ZDHHC13: variants seen among roughly 807,000 people sequenced by gnomAD.
ZDHHC13 encodes the protein palmitoyltransferase ZDHHC13.
Under a neutral mutation model 86.0 loss-of-function variants are expected in ZDHHC13, and 85 were observed. The observed-to-expected ratio is 0.99, with a 90% confidence interval of 0.83 to 1.18. ZDHHC13 has a LOEUF of 1.18. Ranked by LOEUF, ZDHHC13 falls within the 50% of genes most tolerant of loss-of-function variation. The pLI, the probability that ZDHHC13 is intolerant of heterozygous loss-of-function variation, is 0.00. For synonymous variants in ZDHHC13, 263 were observed against 246.4 expected, an observed-to-expected ratio of 1.07 and a Z score of -0.63; for missense variants, 711 against 730.2, an observed-to-expected ratio of 0.97 and a Z score of 0.30.
At position 19,155,788 on chromosome 11, in the gene ZDHHC13, C is replaced by T; in HGVS notation, c.874-8C>T. ...CATAAAGTTCTAAAATTCTGAATCT[C>T]TTAATAGCTCTTCCTGCTGCTGATG... On this transcript the variant is annotated splice_region_variant and splice_polypyrimidine_tract_variant and intron_variant, in intron 8 of 16. Coordinates refer to ENST00000446113, the MANE Select transcript of ZDHHC13 (RefSeq NM_019028.3). 6.2e-7 allele frequency: 1 copy of T among 1,610,512 alleles called. No individual in the cohort carries two copies. Among genetic ancestry groups the T allele is most frequent in the Non-Finnish European group, 8.5e-7 (1 of 1,179,274 alleles).
chr11:19,140,679 A>G (rs1222045297), intron 1 of ZDHHC13, among the ~76,000 whole-genome samples: 2 of 152,122 alleles, frequency 1.3e-5, no homozygotes, highest in Admixed American at 6.5e-5. Flanking sequence ...ATGTCCAACA[A>G]TGATAGACTG....
chr11:19,149,174 C>T lies in ZDHHC13; in HGVS notation c.375-13C>T, dbSNP rs553864041. The T allele has an allele frequency of 2.6e-6, 4 of 1,518,984 alleles. No individual in the cohort carries two copies. Among genetic ancestry groups the T allele is most frequent in the African/African-American group, 1.4e-5 (1 of 72,476 alleles). The allele number at this position is 1,518,984 out of a possible 1,614,324, so 94.1% of individuals were successfully genotyped here. ...TGCATGCTACAGAATGGCTTTTTGT[C>T]TTCTATTTGCAGACAAGGACATTTA... On this transcript the variant is annotated splice_polypyrimidine_tract_variant and intron_variant, in intron 4 of 16. Transcript: ENST00000446113.
intron 1 of ZDHHC13, among the ~76,000 whole-genome samples, chr11:19,138,196 A>G (rs1216941710): frequency 6.6e-6 from 1 of 150,946 alleles, no homozygotes; most frequent in Admixed American, 6.6e-5. Flanking sequence ...AGAGAGAAGA[A>G]TCAAATAGAT....
At chr11:19,175,337 C>T (rs2133494516) in intron 16 of ZDHHC13, among the ~76,000 whole-genome samples, 1 of 137,204 alleles carries the variant, frequency 7.3e-6, no homozygotes. Flanking sequence ...TTGCAGTGAG[C>T]CGAGATCACG....
intron 1 of ZDHHC13, among the ~76,000 whole-genome samples, chr11:19,134,045 A>G (rs1849068928): frequency 6.6e-6 from 1 of 151,602 alleles, no homozygotes; most frequent in African/African-American, 2.4e-5. Flanking sequence ...CTCTGAGGAC[A>G]GTTTCAGAAA....
rs74719683 is a variant in ZDHHC13, at chr11:19,133,110, C to T, written c.28-9868C>T. 6.8e-3 allele frequency among the ~76,000 whole-genome samples: 1,033 copies of T among 152,168 alleles called. 8 individuals are homozygous for T. The highest frequency in any genetic ancestry group is 0.023 in the African/African-American group (975 of 41,506). Reference sequence around the variant, plus strand: ...AATGGCCAGTAAACATGAAGAAATACACAACTTGATAATTATAGGGAAATA... The same window carrying T: ...AATGGCCAGTAAACATGAAGAAATATACAACTTGATAATTATAGGGAAATA... On this transcript the variant is annotated intron_variant, in intron 1 of 16. Coordinates refer to ENST00000446113, the MANE Select transcript of ZDHHC13 (RefSeq NM_019028.3).
chr11:19,162,250 A>G (rs146937191), intron 10 of ZDHHC13, among the ~76,000 whole-genome samples: 5 of 152,292 alleles, frequency 3.3e-5, no homozygotes, highest in African/African-American at 1.2e-4. Flanking sequence ...CTAATGAATG[A>G]AAATCAGTTG....
chr11:19,122,960 T>C (rs1008245153), intron 1 of ZDHHC13, among the ~76,000 whole-genome samples: 4 of 152,176 alleles, frequency 2.6e-5, no homozygotes, highest in Non-Finnish European at 5.9e-5. Flanking sequence ...AATGATGACA[T>C]GAACGGAAGA....
chr11:19,170,375 CTTTTTTTTTTT>C lies in ZDHHC13; in HGVS notation c.1475-24_1475-14del, dbSNP rs55637113. The C allele has an allele frequency of 4.0e-6, 5 of 1,234,826 alleles. 1 individual carries two copies. The highest frequency in any genetic ancestry group is 4.2e-5 in the Admixed American group (1 of 23,736). 76.5% of individuals were successfully genotyped at this position (1,234,826 alleles called of 1,614,324 possible). A position where few individuals can be genotyped will look rare whatever the true frequency, so the allele number is the denominator to read the frequency against. ...TGGAGACTGATAAGTAGTTTATTGC[CTTTTTTTTTTT>C]TTTTTTTTTTTGGTGAATTCACAGA... On this transcript the variant is annotated intron_variant, in intron 14 of 16. Coordinates refer to ENST00000446113, the MANE Select transcript of ZDHHC13 (RefSeq NM_019028.3).
rs2133465508 is a variant in ZDHHC13, at chr11:19,165,095, G to C, written c.1340G>C (p.Cys447Ser). 1 of 1,613,062 alleles carries C rather than the reference G, an allele frequency of 6.2e-7. No individual in the cohort carries two copies. The highest frequency in any genetic ancestry group is 8.5e-7 in the Non-Finnish European group (1 of 1,179,464). The change falls in exon 13 of 17, where the codon TGC becomes TCC. Residue 447 changes from cysteine (C) to serine (S), a missense_variant. Physicochemically the swap from Cys to Ser is moderately radical, Grantham distance 112. Coordinates refer to ENST00000446113, the MANE Select transcript of ZDHHC13 (RefSeq NM_019028.3). ...TCACTCCACTGCCATGTATGCAACTGCTGTGTGGCTCGATATGATCAACAC... is the reference window on the plus strand; with the variant it reads ...TCACTCCACTGCCATGTATGCAACTCCTGTGTGGCTCGATATGATCAACAC... The part of the protein sequence containing the change: ...LRSLHCHVCN[C>S]CVARYDQHCL...
In ZDHHC13 at chr11:19,152,598, C is replaced by A; in HGVS notation, c.787C>A (p.Gln263Lys). 1 of 1,613,062 alleles carries A rather than the reference C, an allele frequency of 6.2e-7. No individual in the cohort carries two copies. The highest frequency in any genetic ancestry group is 1.1e-5 in the South Asian group (1 of 90,942). Residue 263 changes from glutamine to lysine, a missense_variant, in exon 8 of 17, where the codon CAG (glutamine) becomes AAG (lysine). Transcript: ENST00000446113. ...TGATATGGCTCTACAAAACAAAAATCAGCTCATTATTCATATGCTAAAAAC... is the reference window on the plus strand; with the variant it reads ...TGATATGGCTCTACAAAACAAAAATAAGCTCATTATTCATATGCTAAAAAC... ...PLDMALQNKN[Q>K]LIIHMLKTEA...
intron 2 of ZDHHC13, among the ~76,000 whole-genome samples, chr11:19,145,678 T>A (rs1303069207): frequency 6.6e-6 from 1 of 152,258 alleles, no homozygotes; most frequent in Non-Finnish European, 1.5e-5. Flanking sequence ...TTTGTCAACC[T>A]ATAAAATATA....
At chr11:19,160,851 C>T (rs984246693) in intron 10 of ZDHHC13, among the ~76,000 whole-genome samples, 2 of 151,604 alleles carry the variant, frequency 1.3e-5, no homozygotes, top group African/African-American at 2.4e-5. Context: ...GACTGCTATT[C>T]GTTAGTGGGT....
intron 1 of ZDHHC13, among the ~76,000 whole-genome samples, chr11:19,135,758 CCTGACCT>C (rs1849120221): frequency 6.6e-6 from 1 of 152,248 alleles, no homozygotes; most frequent in Non-Finnish European, 1.5e-5. Context: ...CAAGTGGGTC[CCTGACCT>C]CTGACCCTTG....
intron 15 of ZDHHC13, among the ~76,000 whole-genome samples, chr11:19,170,780 A>G (rs1007928448): frequency 6.6e-6 from 1 of 152,164 alleles, no homozygotes; most frequent in East Asian, 1.9e-4. Flanking sequence ...TTAAACCACA[A>G]GATGGTTTAA....
intron 15 of ZDHHC13, among the ~76,000 whole-genome samples, chr11:19,171,265 G>A (rs1242116544): frequency 6.6e-6 from 1 of 152,128 alleles, no homozygotes; most frequent in African/African-American, 2.4e-5. Flanking sequence ...TCCCCTATGA[G>A]CCTAACCTAA....
intron 1 of ZDHHC13, among the ~76,000 whole-genome samples, chr11:19,135,712 G>A (rs1444838696): frequency 2.6e-5 from 4 of 152,384 alleles, no homozygotes; most frequent in African/African-American, 7.2e-5. Flanking sequence ...CTCCCAGCAT[G>A]CAGCTGGAGA....
chr11:19,174,349 G>A (rs1474272548), intron 16 of ZDHHC13, among the ~76,000 whole-genome samples: 1 of 152,204 alleles, frequency 6.6e-6, no homozygotes, highest in Non-Finnish European at 1.5e-5. Flanking sequence ...AAACCAAGGG[G>A]AAGGGGACAC....
intron 1 of ZDHHC13, among the ~76,000 whole-genome samples, chr11:19,140,199 G>C (rs1022600761): frequency 6.6e-6 from 1 of 151,178 alleles, no homozygotes; most frequent in African/African-American, 2.4e-5. Flanking sequence ...AATCTACAAT[G>C]AACTCCAACA....
Sources: gnomAD v4.1 joint callset for allele counts (sites outside exome capture counted in the v4.1 genomes callset) on GRCh38, gnomAD v4.1.1 for gene constraint, MANE v1.5 for transcripts, NCBI Gene and HGNC (gene_info 2026-07-23, HGNC 2026-07-21) for gene names.